The following PARVB variants were observed in gnomAD, a reference collection of about 807,000 sequenced individuals.
PARVB encodes parvin beta, also known as beta-parvin.
In PARVB, 46 loss-of-function variants were observed where a neutral mutation model predicts 47.0. That is an observed-to-expected ratio of 0.98 (90% CI 0.77 to 1.25). The LOEUF (loss-of-function observed/expected upper bound fraction) is 1.25, where lower values mean the gene tolerates loss of function less well. Ranked by LOEUF, PARVB falls within the 50% of genes most tolerant of loss-of-function variation. The pLI, the probability that PARVB is intolerant of heterozygous loss-of-function variation, is 0.00. For missense variants in PARVB, 473 were observed against 471.6 expected, an observed-to-expected ratio of 1.00 and a Z score of -0.03; for synonymous variants, 196 against 196.3, an observed-to-expected ratio of 1.00 and a Z score of 0.01.
chr22:44,093,916 T>C lies in PARVB; in HGVS notation c.113-12T>C, dbSNP rs1423723404. ...TATACTAACCTGGTTTTTCTTTCCT[T>C]TTGCTCAACAGTGAGTGACCTGCAG... On this transcript the variant is annotated splice_polypyrimidine_tract_variant and intron_variant, in intron 1 of 12. Transcript: ENST00000338758. 6.2e-7 allele frequency: 1 copy of C among 1,603,868 alleles called. No homozygotes were observed. Among genetic ancestry groups the C allele is most frequent in the Admixed American group, 1.7e-5 (1 of 59,582 alleles).
chr22:44,104,506 C>T (rs1442794508), intron 3 of PARVB: 1 of 152,514 alleles, frequency 6.6e-6, no homozygotes, highest in African/African-American at 2.4e-5. Flanking sequence ...TTGGGCTGCC[C>T]TTGGTTGATT....
intron 1 of PARVB, among the ~76,000 whole-genome samples, chr22:44,025,286 C>A (rs938656917): frequency 6.6e-6 from 1 of 152,068 alleles, no homozygotes; most frequent in African/African-American, 2.4e-5. Context: ...TTTCCTTAAA[C>A]CACCTGGGCC....
chr22:44,161,458 C>T (rs551655957), intron 11 of PARVB, among the ~76,000 whole-genome samples: 2 of 152,128 alleles, frequency 1.3e-5, no homozygotes, highest in East Asian at 1.9e-4. Context: ...GGATTACAGG[C>T]ACATGCCACC....
chr22:44,044,202 T>G (rs2051072284), intron 1 of PARVB, among the ~76,000 whole-genome samples: 3 of 151,120 alleles, frequency 2.0e-5, no homozygotes. Context: ...TTTTTTTTTT[T>G]TTTTTTGAGA....
chr22:44,069,057 GC>G, intron 1 of PARVB: 1 of 1,521,206 alleles, frequency 6.6e-7, no homozygotes. Flanking sequence ...TCATAGTGGC[GC>G]CCCTGCCACG....
intron 1 of PARVB, among the ~76,000 whole-genome samples, chr22:44,060,148 C>T (rs1451321791): frequency 6.6e-6 from 1 of 151,960 alleles, no homozygotes; most frequent in Non-Finnish European, 1.5e-5. Context: ...AATGCCATCT[C>T]TACTAAAAAT....
rs77990648 is a variant in PARVB, at chr22:44,081,710, G to T, written c.113-12218G>T. ...GGGTTCCATTGCCCCCCGCCTCGGT[G>T]GGGCTCATTGTGCAGCTTGCTGGCA... is the stretch of plus-strand genomic sequence containing the variant. On this transcript the variant is annotated intron_variant, in intron 1 of 12. Transcript: ENST00000338758. The T allele has an allele frequency of 1.5e-3, 1,120 of 751,876 alleles. 11 individuals are homozygous for T. The African/African-American group carries it at 0.018, about 12-fold the overall frequency. The allele number at this position is 751,876 out of a possible 1,614,324, so 46.6% of individuals were successfully genotyped here.
At chr22:44,077,097 G>A (rs1463398289) in intron 1 of PARVB, among the ~76,000 whole-genome samples, 1 of 152,192 alleles carries the variant, frequency 6.6e-6, no homozygotes, top group African/African-American at 2.4e-5. Context: ...GTGTCCTGGG[G>A]CCACTGTAAC....
intron 2 of PARVB, among the ~76,000 whole-genome samples, chr22:44,010,848 G>A (rs189346952): frequency 4.1e-4 from 60 of 146,280 alleles, no homozygotes; most frequent in Non-Finnish European, 6.8e-4. Flanking sequence ...ACATTTCTGT[G>A]TTCTTAAAAA....
In PARVB at chr22:44,094,761, G is replaced by A. The variant is rs542101061; in HGVS notation, c.202+744G>A. ...CTGCCTCGGTTTCCCAAAGTGCAGGGACTACAGATATGAGCCACTGCGCCT... is the reference window on the plus strand; with the variant it reads ...CTGCCTCGGTTTCCCAAAGTGCAGGAACTACAGATATGAGCCACTGCGCCT... On this transcript the variant is annotated intron_variant, in intron 2 of 12. Transcript: ENST00000338758. Among the ~76,000 whole-genome samples, 68 of 151,864 alleles carry A rather than the reference G, an allele frequency of 4.5e-4. 1 individual carries two copies. Among genetic ancestry groups the A allele is most frequent in the Middle Eastern group, 3.5e-3 (1 of 288 alleles).
intron 2 of PARVB, among the ~76,000 whole-genome samples, chr22:44,011,201 AG>A (rs1212561325): frequency 6.6e-6 from 1 of 152,060 alleles, no homozygotes; most frequent in Non-Finnish European, 1.5e-5. Flanking sequence ...CTCGAACTCC[AG>A]GGCTCAAGTG....
At chr22:44,006,001 C>T (rs2050460600) in intron 2 of PARVB, among the ~76,000 whole-genome samples, 1 of 152,242 alleles carries the variant, frequency 6.6e-6, no homozygotes, top group African/African-American at 2.4e-5. Context: ...CCACTGGTAA[C>T]AGCGCTATCA....
At chr22:44,002,754 G>T (rs745627115) in intron 2 of PARVB, among the ~76,000 whole-genome samples, 2 of 152,158 alleles carry the variant, frequency 1.3e-5, no homozygotes, top group Non-Finnish European at 2.9e-5. Flanking sequence ...GGCTGTCTCA[G>T]TCGTGCCTTC....
In PARVB at chr22:44,052,367, C is replaced by A. The variant is rs552832921; in HGVS notation, c.112+27916C>A. Among the ~76,000 whole-genome samples the A allele has an allele frequency of 2.0e-4, 31 of 152,316 alleles. No individual in the cohort carries two copies. The Middle Eastern group carries it at 0.01, about 50-fold the overall frequency. Reference sequence around the variant, plus strand: ...CGACAGCACCGGGAGAAAGAAGGCCCGGGCCTGCTCTCCTCACCTGATTCT... The same window carrying A: ...CGACAGCACCGGGAGAAAGAAGGCCAGGGCCTGCTCTCCTCACCTGATTCT... On this transcript the variant is annotated intron_variant, in intron 1 of 12. Transcript: ENST00000338758.
Position 43,999,532 on chromosome 22 carries a change from A to AG in PARVB, c.72-1dup, listed in dbSNP as rs1227942698. 6.4e-7 allele frequency: 1 copy of AG among 1,573,384 alleles called. No homozygotes were observed. Among genetic ancestry groups the AG allele is most frequent in the East Asian group, 2.2e-5 (1 of 44,664 alleles). ...ACAAAAAATGTTCATTCCTACCTGCAGCAGGAGGCTGGAGCTGAGACGTGG... is the reference window on the plus strand; with the variant it reads ...ACAAAAAATGTTCATTCCTACCTGCAGGCAGGAGGCTGGAGCTGAGACGTGG... On this transcript the variant is annotated splice_acceptor_variant, in intron 1 of 13. Transcript: ENST00000406477. LOFTEE classifies it high-confidence loss of function.
At chr22:44,165,285 T>G (rs1381263459) in intron 12 of PARVB, among the ~76,000 whole-genome samples, 1 of 152,202 alleles carries the variant, frequency 6.6e-6, no homozygotes, top group African/African-American at 2.4e-5. Flanking sequence ...TGTTTATTTT[T>G]TATTGTCCCT....
chr22:44,110,233 G>A (rs974510145), intron 3 of PARVB: 1 of 151,818 alleles, frequency 6.6e-6, no homozygotes, highest in Non-Finnish European at 1.5e-5. Flanking sequence ...ACAAAACACA[G>A]GCCCCGCCTG....
chr22:44,086,377 G>A (rs1389068372), intron 1 of PARVB, among the ~76,000 whole-genome samples: 1 of 152,202 alleles, frequency 6.6e-6, no homozygotes, highest in Non-Finnish European at 1.5e-5. Context: ...GGCACTGTTA[G>A]CCTTTGCTGC....
At chr22:44,090,473 C>T (rs898648655) in intron 1 of PARVB, among the ~76,000 whole-genome samples, 4 of 152,206 alleles carry the variant, frequency 2.6e-5, no homozygotes, top group Admixed American at 6.5e-5. Context: ...TGTTCAAGGG[C>T]GGTGTGGAAA....
Sources: gnomAD v4.1 joint callset for allele counts (sites outside exome capture counted in the v4.1 genomes callset) on GRCh38, gnomAD v4.1.1 for gene constraint, MANE v1.5 for transcripts, NCBI Gene and HGNC (gene_info 2026-07-23, HGNC 2026-07-21) for gene names.